NUBPL: variants seen among roughly 807,000 people sequenced by gnomAD.
The protein encoded by NUBPL is iron-sulfur cluster transfer protein NUBPL.
Under a neutral mutation model 45.7 loss-of-function variants are expected in NUBPL, and 31 were observed. The observed-to-expected ratio is 0.68, with a 90% CI of 0.51 to 0.92. NUBPL has a LOEUF of 0.92. NUBPL is among the 40% of genes least tolerant of loss of function. The pLI, the probability that NUBPL is intolerant of heterozygous loss-of-function variation, is 0.00. For synonymous variants in NUBPL, 144 were observed against 140.9 expected, an observed-to-expected ratio of 1.02 and a Z score of -0.15; for missense variants, 401 against 398.7, an observed-to-expected ratio of 1.01 and a Z score of -0.05.
chr14:31,737,252 A>T (rs2038185235), intron 6 of NUBPL, among the ~76,000 whole-genome samples: 1 of 152,202 alleles, frequency 6.6e-6, no homozygotes, highest in Non-Finnish European at 1.5e-5. Context: ...TTCTTCTAGA[A>T]GCTTGATTGT....
chr14:31,785,768 G>A (rs953614467), intron 6 of NUBPL, among the ~76,000 whole-genome samples: 5 of 152,078 alleles, frequency 3.3e-5, no homozygotes, highest in African/African-American at 9.7e-5. Context: ...ACAATGGCTG[G>A]CACCCAGTCA....
chr14:31,775,049 T>G (rs2039075205), intron 6 of NUBPL, among the ~76,000 whole-genome samples: 1 of 152,200 alleles, frequency 6.6e-6, no homozygotes, highest in Non-Finnish European at 1.5e-5. Flanking sequence ...CACAATATTA[T>G]AAGGACAAAT....
chr14:31,813,083 G>T (rs1437938092), intron 7 of NUBPL, among the ~76,000 whole-genome samples: 1 of 151,348 alleles, frequency 6.6e-6, no homozygotes, highest in Non-Finnish European at 1.5e-5. Context: ...CTGCCTCCTG[G>T]GTTCACGCCA....
chr14:31,732,749 C>A (rs765358281), intron 6 of NUBPL, among the ~76,000 whole-genome samples: 2 of 151,714 alleles, frequency 1.3e-5, no homozygotes, highest in Non-Finnish European at 2.9e-5. Flanking sequence ...GTAGCTGGGA[C>A]TACAGGTGTG....
At chr14:31,691,062 G>GA (rs768968938) in intron 6 of NUBPL, among the ~76,000 whole-genome samples, 46 of 24,042 alleles carry the variant, frequency 1.9e-3, no homozygotes, top group African/African-American at 6.0e-3. Flanking sequence ...CATTTTTAGA[G>GA]AAAAAAAAAT....
intron 2 of NUBPL, among the ~76,000 whole-genome samples, chr14:31,563,106 T>G (rs983680863): frequency 2.0e-5 from 3 of 152,234 alleles, no homozygotes; most frequent in African/African-American, 7.2e-5. Context: ...ACATTTTTCC[T>G]TTCTTTCCTA....
chr14:31,687,806 G>C (rs2036989597), intron 6 of NUBPL, among the ~76,000 whole-genome samples: 1 of 152,180 alleles, frequency 6.6e-6, no homozygotes, highest in Admixed American at 6.5e-5. Flanking sequence ...AAGAAGTAGA[G>C]GAAAATCACA....
At chr14:31,769,466 C>A (rs1434133248) in intron 6 of NUBPL, among the ~76,000 whole-genome samples, 1 of 152,088 alleles carries the variant, frequency 6.6e-6, no homozygotes, top group African/African-American at 2.4e-5. Flanking sequence ...CTCATTCTTA[C>A]ATACACTAGA....
chr14:31,828,485 T>C (rs1013284458), intron 8 of NUBPL, among the ~76,000 whole-genome samples: 5 of 152,230 alleles, frequency 3.3e-5, no homozygotes, highest in Middle Eastern at 3.2e-3. Flanking sequence ...CATAAGTGAA[T>C]GCTTAACTTC....
At chr14:31,618,833 G>A (rs1180457315) in intron 4 of NUBPL, among the ~76,000 whole-genome samples, 1 of 152,010 alleles carries the variant, frequency 6.6e-6, no homozygotes, top group African/African-American at 2.4e-5. Context: ...TTCAAGTCCT[G>A]GAAATCCTTG....
rs145919271 is a variant in NUBPL at position 31,647,375 on chromosome 14, T to A, written c.383-25980T>A. ...TTTCTTTAGAGTTTGTATTTTTGAA[T>A]TTCTTTTTTTTCTTGTTAGGTTGCT... is the stretch of plus-strand genomic sequence containing the variant. On this transcript the variant is annotated intron_variant, in intron 4 of 10. Coordinates refer to ENST00000281081, the MANE Select transcript of NUBPL (RefSeq NM_025152.3). 2.6e-5 allele frequency among the ~76,000 whole-genome samples: 4 copies of A among 152,352 alleles called. No homozygotes were observed. In the East Asian group the frequency reaches 7.7e-4, roughly 29 times the overall value.
intron 7 of NUBPL, chr14:31,800,987 C>A (rs542417272): frequency 6.6e-6 from 1 of 152,178 alleles, no homozygotes; most frequent in South Asian, 2.1e-4. Flanking sequence ...GGAAACCAAC[C>A]AGAGATGGTG....
At chr14:31,607,549 A>G (rs2034636725) in intron 4 of NUBPL, among the ~76,000 whole-genome samples, 1 of 152,088 alleles carries the variant, frequency 6.6e-6, no homozygotes. Flanking sequence ...GAAATAATTA[A>G]AAAGATTCAA....
At chr14:31,580,227 G>A (rs1243905089) in intron 3 of NUBPL, among the ~76,000 whole-genome samples, 3 of 152,122 alleles carry the variant, frequency 2.0e-5, no homozygotes, top group Non-Finnish European at 2.9e-5. Flanking sequence ...GTAAGTTTCT[G>A]TTCTTAAGGA....
intron 4 of NUBPL, among the ~76,000 whole-genome samples, chr14:31,606,878 G>A (rs1251139896): frequency 1.3e-5 from 2 of 152,168 alleles, no homozygotes; most frequent in Non-Finnish European, 2.9e-5. Context: ...TAGGGTTGTG[G>A]AGTTGGTGTA....
At chr14:31,669,753 T>C (rs1338463953) in intron 4 of NUBPL, among the ~76,000 whole-genome samples, 1 of 149,494 alleles carries the variant, frequency 6.7e-6, no homozygotes, top group Non-Finnish European at 1.5e-5. Flanking sequence ...CTAAGGATAA[T>C]GGCCTCCAGC....
intron 6 of NUBPL, among the ~76,000 whole-genome samples, chr14:31,767,497 G>C (rs1008313963): frequency 6.6e-6 from 1 of 152,172 alleles, no homozygotes; most frequent in Non-Finnish European, 1.5e-5. Flanking sequence ...ACAGGCGTGA[G>C]CCACCACGCC....
At chr14:31,581,650 G>C (rs967652828) in intron 3 of NUBPL, among the ~76,000 whole-genome samples, 1 of 152,224 alleles carries the variant, frequency 6.6e-6, no homozygotes, top group African/African-American at 2.4e-5. Context: ...TCTTGAAGGA[G>C]AGGTTAGGGG....
chr14:31,805,740 T>TG (rs1031451474), intron 7 of NUBPL, among the ~76,000 whole-genome samples: 17 of 151,862 alleles, frequency 1.1e-4, no homozygotes, highest in African/African-American at 4.1e-4. Context: ...AACAACACAC[T>TG]GGGGCCTCTC....
Sources: allele counts gnomAD v4.1 joint callset (sites outside exome capture counted in the v4.1 genomes callset), GRCh38; gene constraint gnomAD v4.1.1; transcripts MANE v1.5; gene names NCBI Gene and HGNC (gene_info 2026-07-23, HGNC 2026-07-21).